LAMB4: variants seen among roughly 807,000 people sequenced by gnomAD.
LAMB4 encodes the protein laminin subunit beta-4.
A neutral mutation model predicts 199.2 loss-of-function variants in LAMB4; 196 were observed. The ratio of observed to expected loss-of-function variants is 0.98; its 90% CI spans 0.88 to 1.11. The LOEUF (loss-of-function observed/expected upper bound fraction) is 1.11, where lower values mean the gene tolerates loss of function less well. Among genes scored for constraint, LAMB4 ranks in the 50% least tolerant of loss-of-function variants. The pLI, the probability that LAMB4 is intolerant of heterozygous loss-of-function variation, is 0.00. For missense variants in LAMB4, 2,080 were observed against 2,171.2 expected (o/e 0.96, Z 0.83); for synonymous variants, 744 against 770.6 (o/e 0.97, Z 0.57).
Position 108,069,721 on chromosome 7 carries a change from A to G in LAMB4, c.2289T>C (p.His763=), listed in dbSNP as rs768917212. 9 of 1,613,690 alleles carry G rather than the reference A, an allele frequency of 5.6e-6. No individual in the cohort carries two copies. The highest frequency in any genetic ancestry group is 7.6e-6 in the Non-Finnish European group (9 of 1,179,708). ...RLIISMSAKL[H]DGAVACKCHP... is the part of the protein sequence containing the mutation. ...ACAGATACTTACCCACAGCCCCATC[A>G]TGCAGCTTGGCAGACATGCTGATGA... Residue 763 remains histidine (H), a synonymous_variant, in exon 18 of 34, where the codon CAT becomes CAC. Transcript: ENST00000388781.
chr7:108,101,904 A>C (rs2037826357), intron 10 of LAMB4, among the ~76,000 whole-genome samples: 1 of 152,216 alleles, frequency 6.6e-6, no homozygotes, highest in Admixed American at 6.5e-5. Flanking sequence ...TGATTAGTGA[A>C]AATTAAAGTG....
intron 31 of LAMB4, among the ~76,000 whole-genome samples, chr7:108,033,956 A>G (rs2035134869): frequency 6.6e-6 from 1 of 152,094 alleles, no homozygotes; most frequent in African/African-American, 2.4e-5. Context: ...TTCCTGAGTC[A>G]TAGTTTCCTC....
downstream of LAMB4, among the ~76,000 whole-genome samples, chr7:108,020,211 A>G (rs2701048): frequency 0.21 from 31,502 of 151,964 alleles, 7,692 homozygotes; most frequent in African/African-American, 0.6. Flanking sequence ...GATTAGATTG[A>G]TGCTGTAATC....
chr7:108,049,407 A>G lies in LAMB4; in HGVS notation c.4041T>C (p.Asp1347=). ...NTRNDLLTIL[D]TLTSKGNLSL... is the part of the protein sequence containing the mutation. Reference sequence around the variant, plus strand: ...ACAAGTTTCCTTTTGAGGTTAGTGTATCTAAGATGGTAAGTAAGTCATTCC... The same window carrying G: ...ACAAGTTTCCTTTTGAGGTTAGTGTGTCTAAGATGGTAAGTAAGTCATTCC... The change falls in exon 27 of 34, where the codon GAT becomes GAC. Residue 1347 remains aspartate (D), a synonymous_variant. Coordinates refer to ENST00000388781, the MANE Select transcript of LAMB4 (RefSeq NM_007356.3). 2 of 1,594,594 alleles carry G rather than the reference A, an allele frequency of 1.3e-6. No homozygotes were observed. Among genetic ancestry groups the G allele is most frequent in the East Asian group, 2.2e-5 (1 of 44,602 alleles).
rs2035149962 is a variant in LAMB4, at chr7:108,034,297, G to T, written c.4729C>A (p.Gln1577Lys). 3.1e-6 allele frequency: 5 copies of T among 1,612,728 alleles called. No homozygotes were observed. Among genetic ancestry groups the T allele is most frequent in the Non-Finnish European group, 4.2e-6 (5 of 1,178,838 alleles). Residue 1577 changes from glutamine to lysine, a missense_variant, in exon 31 of 34, where the codon CAA becomes AAA. Transcript: ENST00000388781. ...LNLDKTLNQL[Q>K]QAQITQGRAN... ...CGTCCTTGAGTGATTTGAGCTTGTT[G>T]TAACTGGTTCAATGTTTTGTCAAGA...
At chr7:108,105,665 G>T in intron 8 of LAMB4, 152 bp downstream of exon 8, 2 of 648,932 alleles carry the variant, frequency 3.1e-6, no homozygotes, top group Non-Finnish European at 5.4e-6. Context: ...GCCCTAGGTG[G>T]CCTATCAGGA....
chr7:108,090,835 G>A (rs1302095810), intron 14 of LAMB4, among the ~76,000 whole-genome samples: 3 of 152,026 alleles, frequency 2.0e-5, no homozygotes, highest in Non-Finnish European at 2.9e-5. Flanking sequence ...TCCACCTACC[G>A]CAGTTGTTAC....
At chr7:108,027,286 T>C (rs2034871954) in intron 33 of LAMB4, among the ~76,000 whole-genome samples, 1 of 152,154 alleles carries the variant, frequency 6.6e-6, no homozygotes, top group African/African-American at 2.4e-5. Context: ...TAGTATTTCA[T>C]AGTTAAAATA....
chr7:108,096,195 G>A (rs989322086), intron 11 of LAMB4, among the ~76,000 whole-genome samples: 2 of 152,048 alleles, frequency 1.3e-5, no homozygotes, highest in African/African-American at 2.4e-5. Context: ...AGCAACCACC[G>A]TGCTGCTTTC....
intron 26 of LAMB4, among the ~76,000 whole-genome samples, chr7:108,050,142 T>G (rs2035781464): frequency 1.3e-5 from 2 of 152,208 alleles, no homozygotes; most frequent in South Asian, 4.1e-4. Context: ...TGTGTTCCAC[T>G]GAAGCAGTAT....
chr7:108,030,751 T>C (rs2034997132), intron 32 of LAMB4, 55 bp downstream of exon 32: 2 of 1,548,840 alleles, frequency 1.3e-6, no homozygotes, highest in South Asian at 2.3e-5. Flanking sequence ...TAAAGAACTA[T>C]CTTTCAAAGA....
chr7:108,106,144 G>T, intron 7 of LAMB4, 113 bp from the exon 8 acceptor site: 1 of 861,024 alleles, frequency 1.2e-6, no homozygotes, highest in Non-Finnish European at 1.8e-6. Flanking sequence ...CAGGCCCGGT[G>T]TAGTGGCTTG....
At chr7:108,092,916 T>C (rs1393512310) in intron 12 of LAMB4, among the ~76,000 whole-genome samples, 1 of 152,088 alleles carries the variant, frequency 6.6e-6, no homozygotes, top group East Asian at 1.9e-4. Context: ...AAAAATTTTA[T>C]AAAATGAAGG....
downstream of LAMB4, among the ~76,000 whole-genome samples, chr7:108,020,269 CA>C (rs1321149135): frequency 1.3e-5 from 2 of 151,886 alleles, no homozygotes; most frequent in Non-Finnish European, 2.9e-5. Context: ...GTCAGGAGTT[CA>C]AAACCAGCCT....
intron 12 of LAMB4, among the ~76,000 whole-genome samples, chr7:108,092,893 C>T (rs1156968295): frequency 2.0e-5 from 3 of 151,976 alleles, no homozygotes. Context: ...GACAGAGTGA[C>T]ACTCCATCTC....
intron 29 of LAMB4, among the ~76,000 whole-genome samples, chr7:108,038,778 T>C (rs1419203037): frequency 1.3e-5 from 2 of 152,232 alleles, no homozygotes; most frequent in African/African-American, 4.8e-5. Flanking sequence ...TGGATACTCC[T>C]GTGTTACAGC....
chr7:108,022,657 C>G (rs2034716568), downstream of LAMB4, among the ~76,000 whole-genome samples: 2 of 152,074 alleles, frequency 1.3e-5, 1 homozygote, highest in Non-Finnish European at 2.9e-5. Flanking sequence ...AGAGAGCTTT[C>G]TGGGGTGGTC....
downstream of LAMB4, among the ~76,000 whole-genome samples, chr7:108,023,067 G>GC (rs2150473507): frequency 6.6e-6 from 1 of 152,186 alleles, no homozygotes; most frequent in East Asian, 1.9e-4. Flanking sequence ...GCCTTCCTTG[G>GC]CATCCCAAAG....
chr7:108,087,583 G>T (rs952234458), intron 14 of LAMB4, among the ~76,000 whole-genome samples: 1 of 152,206 alleles, frequency 6.6e-6, no homozygotes, highest in Admixed American at 6.5e-5. Flanking sequence ...ATGGGAGGCT[G>T]GGCCGTGAGG....
Sources: allele counts gnomAD v4.1 joint callset (sites outside exome capture counted in the v4.1 genomes callset), GRCh38; gene constraint gnomAD v4.1.1; transcripts MANE v1.5; gene names NCBI Gene and HGNC (gene_info 2026-07-23, HGNC 2026-07-21).